SLC14A2: variants seen among roughly 807,000 people sequenced by gnomAD.
The protein encoded by SLC14A2 is urea transporter 2.
Under a neutral mutation model 104.6 loss-of-function variants are expected in SLC14A2, and 91 were observed. That is an observed-to-expected ratio of 0.87 (90% CI 0.73 to 1.04). SLC14A2 has a LOEUF of 1.04. SLC14A2 is among the 50% of genes least tolerant of loss of function. SLC14A2 has a pLI of 0.00. For missense variants in SLC14A2, 1,189 were observed against 1,156.0 expected, an observed-to-expected ratio of 1.03 and a Z score of -0.41; for synonymous variants, 476 against 466.4, an observed-to-expected ratio of 1.02 and a Z score of -0.27.
At position 45,457,947 on chromosome 18, in the gene SLC14A2, A is replaced by G. The variant is rs937560675; in HGVS notation, c.-124-25286A>G. Among the ~76,000 whole-genome samples the G allele has an allele frequency of 3.9e-5, 6 of 152,180 alleles. No individual in the cohort carries two copies. In the South Asian group the frequency reaches 1.2e-3, roughly 32 times the overall value. On this transcript the variant is annotated intron_variant, in intron 1 of 20. Transcript: ENST00000586448. ...GGGAGACGAGTGTCAAGAATCAGGG[A>G]GGAAAGTTGCCGGGAGAGGTGACAG...
At chr18:45,202,780 CA>C in the SLC14A2 span, among the ~76,000 whole-genome samples, 5,522 of 152,246 alleles carry the variant, frequency 0.036, 152 homozygotes, top group South Asian at 0.064. Context: ...CATGTACCAA[CA>C]TTTAACATAG....
chr18:45,511,300 C>T (rs2043362299), intron 2 of SLC14A2, among the ~76,000 whole-genome samples: 1 of 152,240 alleles, frequency 6.6e-6, no homozygotes, highest in East Asian at 1.9e-4. Flanking sequence ...TATTGATACA[C>T]CTCTATATTT....
intron 2 of SLC14A2, among the ~76,000 whole-genome samples, chr18:45,603,822 T>A (rs1409879726): frequency 2.6e-5 from 4 of 152,190 alleles, no homozygotes; most frequent in Non-Finnish European, 5.9e-5. Flanking sequence ...TGGTCTGTGC[T>A]TACCCCAAAG....
chr18:45,248,771 G>C (rs1406013684), intron 1 of SLC14A2, among the ~76,000 whole-genome samples: 1 of 152,152 alleles, frequency 6.6e-6, no homozygotes, highest in African/African-American at 2.4e-5. Context: ...AGCTAGTTTT[G>C]AAATGGAGCC....
chr18:45,270,151 C>G (rs1398066013), intron 1 of SLC14A2, among the ~76,000 whole-genome samples: 4 of 152,136 alleles, frequency 2.6e-5, no homozygotes, highest in African/African-American at 7.2e-5. Context: ...ACCATACACT[C>G]TTCCCAGTGT....
At chr18:45,669,527 G>A (rs1427768497) in intron 16 of SLC14A2, 29 bp downstream of exon 16, 1 of 1,581,916 alleles carries the variant, frequency 6.3e-7, no homozygotes, top group Middle Eastern at 1.7e-4. Flanking sequence ...GGAAGGGCAG[G>A]TCTGTCCACA....
At chr18:45,201,822 A>G in the SLC14A2 span, among the ~76,000 whole-genome samples, 136,439 of 152,084 alleles carry the variant, frequency 0.9, 61,238 homozygotes, top group Middle Eastern at 0.94. Context: ...AGGGTGAATG[A>G]CCTTATAAAA....
intron 1 of SLC14A2, among the ~76,000 whole-genome samples, chr18:45,416,057 A>G (rs936909075): frequency 6.6e-6 from 1 of 152,066 alleles, no homozygotes; most frequent in Non-Finnish European, 1.5e-5. Context: ...TATATTCTCT[A>G]CCATAATGAT....
intron 2 of SLC14A2, among the ~76,000 whole-genome samples, chr18:45,534,018 T>C (rs371551114): frequency 1.3e-5 from 2 of 152,070 alleles, no homozygotes; most frequent in South Asian, 2.1e-4. Flanking sequence ...CAAAAAACCT[T>C]GTTTAGGGTT....
intron 12 of SLC14A2, 71 bp from the exon 13 acceptor site, chr18:45,666,864 C>A (rs1030660872): frequency 7.4e-7 from 1 of 1,348,030 alleles, no homozygotes; most frequent in Non-Finnish European, 1.0e-6. Flanking sequence ...CCCTGAGTGA[C>A]CACAAACATG....
chr18:45,589,342 C>T (rs2044614683), intron 2 of SLC14A2, among the ~76,000 whole-genome samples: 1 of 151,968 alleles, frequency 6.6e-6, no homozygotes, highest in Non-Finnish European at 1.5e-5. Flanking sequence ...TGCAAGGTAC[C>T]CCAAATGAAT....
chr18:45,263,078 T>G (rs2084555927), intron 1 of SLC14A2, among the ~76,000 whole-genome samples: 1 of 152,246 alleles, frequency 6.6e-6, no homozygotes, highest in Non-Finnish European at 1.5e-5. Context: ...GTTTGTTTTC[T>G]GTTTCAGAAT....
chr18:45,313,255 G>A (rs2085096945), intron 1 of SLC14A2, among the ~76,000 whole-genome samples: 1 of 152,156 alleles, frequency 6.6e-6, no homozygotes, highest in Admixed American at 6.5e-5. Context: ...CCCACTTCTA[G>A]GATGGGATTG....
intron 1 of SLC14A2, among the ~76,000 whole-genome samples, chr18:45,330,802 A>G (rs1242170690): frequency 1.3e-5 from 2 of 152,212 alleles, no homozygotes. Flanking sequence ...TTCTGGATCA[A>G]GTCTTTCATT....
chr18:45,352,414 A>G (rs1004144606), intron 1 of SLC14A2, among the ~76,000 whole-genome samples: 1 of 152,212 alleles, frequency 6.6e-6, no homozygotes, highest in Non-Finnish European at 1.5e-5. Flanking sequence ...AAGAGGAGGA[A>G]GAGGCACATA....
chr18:45,612,263 C>T (rs2044984837), upstream of SLC14A2, among the ~76,000 whole-genome samples: 2 of 152,208 alleles, frequency 1.3e-5, no homozygotes, highest in African/African-American at 4.8e-5. Flanking sequence ...AAGGATGGCT[C>T]AGACTCTGCG....
intron 1 of SLC14A2, among the ~76,000 whole-genome samples, chr18:45,389,322 G>T (rs2085935150): frequency 6.6e-6 from 1 of 152,128 alleles, no homozygotes. Context: ...TCATAAATAT[G>T]GACTACAGAA....
At chr18:45,342,864 A>G (rs1175892670) in intron 1 of SLC14A2, among the ~76,000 whole-genome samples, 5 of 152,198 alleles carry the variant, frequency 3.3e-5, no homozygotes, top group Admixed American at 2.0e-4. Flanking sequence ...GAAATATAGA[A>G]CTTCCAGATC....
At chr18:45,177,190 C>A in the SLC14A2 span, among the ~76,000 whole-genome samples, 3 of 152,140 alleles carry the variant, frequency 2.0e-5, no homozygotes, top group Admixed American at 6.6e-5. Flanking sequence ...TCCTGCCATT[C>A]CTACTCAACT....
Sources: gnomAD v4.1 joint callset for allele counts (sites outside exome capture counted in the v4.1 genomes callset) on GRCh38, gnomAD v4.1.1 for gene constraint, MANE v1.5 for transcripts, NCBI Gene and HGNC (gene_info 2026-07-23, HGNC 2026-07-21) for gene names.